Variants in ATP1A2 observed in about 807,000 individuals in gnomAD.
ATP1A2 encodes ATPase Na+/K+ transporting subunit alpha 2, also known as sodium/potassium-transporting ATPase subunit alpha-2.
A neutral mutation model predicts 113.1 loss-of-function variants in ATP1A2; 56 were observed. The observed-to-expected ratio is 0.49, with a 90% CI of 0.40 to 0.62. The LOEUF is 0.62. Among genes scored for constraint, ATP1A2 ranks in the 20% least tolerant of loss-of-function variants. The pLI is 0.00. For synonymous variants in ATP1A2, 490 were observed against 526.8 expected (o/e 0.93, Z 0.96); for missense variants, 712 against 1,357.8 (o/e 0.52, Z 7.47).
chr1:160,137,564 A>T lies in ATP1A2; in HGVS notation c.2840+533A>T, dbSNP rs1231935754. Among the ~76,000 whole-genome samples, 9 of 152,280 alleles carry T rather than the reference A, an allele frequency of 5.9e-5. No individual in the cohort carries two copies. In the South Asian group the frequency reaches 1.9e-3, roughly 32 times the overall value. On this transcript the variant is annotated intron_variant, in intron 20 of 22. Coordinates refer to ENST00000361216, the MANE Select transcript of ATP1A2 (RefSeq NM_000702.4). ...TACATTTCATGGATAAGAGGCCCCA[A>T]ACAGGTTAAATGATGTGCCCAAGGT...
At position 160,135,404 on chromosome 1, in the gene ATP1A2, C is replaced by A; in HGVS notation, c.2116-30C>A. 6.2e-7 allele frequency: 1 copy of A among 1,614,140 alleles called. No homozygotes were observed. Among genetic ancestry groups the A allele is most frequent in the African/African-American group, 1.3e-5 (1 of 75,016 alleles). On this transcript the variant is annotated intron_variant, in intron 15 of 22. Coordinates refer to ENST00000361216, the MANE Select transcript of ATP1A2 (RefSeq NM_000702.4). This position sits in a 1 kb window ranked among gnomAD's most constrained non-coding sequence, Gnocchi z 6.3. ...AGGAGCCAGGCTTGGGAAGGGGTTTCGTCCTCAAGTGTGGCCGTCTTCCCT... is the reference window on the plus strand; with the variant it reads ...AGGAGCCAGGCTTGGGAAGGGGTTTAGTCCTCAAGTGTGGCCGTCTTCCCT...
chr1:160,130,357 G>A, intron 12 of ATP1A2, 65 bp from the exon 13 acceptor site: 1 of 1,614,136 alleles, frequency 6.2e-7, no homozygotes, highest in East Asian at 2.2e-5. Flanking sequence ...CCTGGGGTGG[G>A]GGACTGTGGG....
chr1:160,130,025 T>A, intron 11 of ATP1A2, 77 bp from the exon 12 acceptor site: 4 of 1,580,206 alleles, frequency 2.5e-6, no homozygotes, highest in Non-Finnish European at 3.5e-6. Flanking sequence ...TAAGGTGGTT[T>A]CCTTACCAGC....
At chr1:160,141,215 G>A (rs1192292612) in intron 22 of ATP1A2, 79 bp from the exon 23 acceptor site, 12 of 1,580,122 alleles carry the variant, frequency 7.6e-6, no homozygotes, top group African/African-American at 1.3e-5. Flanking sequence ...TGGCTTCAGC[G>A]ACCCAAGCCC....
intron 11 of ATP1A2, 37 bp from the exon 12 acceptor site, chr1:160,130,065 G>A (rs755593811): frequency 2.5e-6 from 4 of 1,613,706 alleles, no homozygotes; most frequent in South Asian, 1.1e-5. Flanking sequence ...ACCAAGACAA[G>A]TATGGCCCTC....
chr1:160,135,227 A>G lies in ATP1A2; in HGVS notation c.2047A>G (p.Thr683Ala). The part of the protein sequence containing the change: ...EQLDEILKNH[T>A]EIVFARTSPQ... Reference sequence around the variant, plus strand: ...GCTCGATGAGATCCTCAAGAACCACACAGAGATCGTCTTTGCTCGAACGTC... The same window carrying G: ...GCTCGATGAGATCCTCAAGAACCACGCAGAGATCGTCTTTGCTCGAACGTC... Residue 683 changes from threonine to alanine, a missense_variant, in exon 15 of 23, where the codon ACA becomes GCA. Thr to Ala is a moderately conservative substitution (Grantham distance 58). This residue lies in a region of ATP1A2 where 263 missense variants were observed against 380.6 expected (regional missense o/e 0.69). Coordinates refer to ENST00000361216, the MANE Select transcript of ATP1A2 (RefSeq NM_000702.4). This position sits in a 1 kb window ranked among gnomAD's most constrained non-coding sequence, Gnocchi z 6.3. The G allele has an allele frequency of 6.2e-7, 1 of 1,614,212 alleles. No homozygotes were observed. The highest frequency in any genetic ancestry group is 8.5e-7 in the Non-Finnish European group (1 of 1,180,038).
At chr1:160,139,816 C>A in intron 21 of ATP1A2, 75 bp downstream of exon 21, 1 of 1,609,748 alleles carries the variant, frequency 6.2e-7, no homozygotes, top group Non-Finnish European at 8.5e-7. Context: ...AAGTTCTGAT[C>A]GCTTTGAATG....
rs963491650 is a variant in ATP1A2 at position 160,135,283 on chromosome 1, A to C, written c.2103A>C (p.Gly701=). The C allele has an allele frequency of 6.2e-7, 1 of 1,613,996 alleles. No homozygotes were observed. The highest frequency in any genetic ancestry group is 1.7e-5 in the Admixed American group (1 of 59,990). Residue 701 remains glycine (G), a synonymous_variant, in exon 15 of 23, where the codon GGA becomes GGC. Coordinates refer to ENST00000361216, the MANE Select transcript of ATP1A2 (RefSeq NM_000702.4). This position sits in a 1 kb window ranked among gnomAD's most constrained non-coding sequence, Gnocchi z 6.3. ...AGCAGAAGCTCATCATTGTGGAGGGATGTCAGAGGCAGGTGAGCACAGCCA... is the reference window on the plus strand; with the variant it reads ...AGCAGAAGCTCATCATTGTGGAGGGCTGTCAGAGGCAGGTGAGCACAGCCA... The part of the protein sequence containing the change: ...SPQQKLIIVE[G]CQRQGAIVAV...
At position 160,141,420 on chromosome 1, in the gene ATP1A2, G is replaced by T; in HGVS notation, c.*98G>T. 1 of 1,520,600 alleles carries T rather than the reference G, an allele frequency of 6.6e-7. No homozygotes were observed. The highest frequency in any genetic ancestry group is 9.1e-7 in the Non-Finnish European group (1 of 1,097,202). 94.2% of individuals were successfully genotyped at this position (1,520,600 alleles called of 1,614,324 possible). A position where few individuals can be genotyped will look rare whatever the true frequency, so the allele number is the denominator to read the frequency against. ...GGATGGAAATAACGGGTGGCATTGG[G>T]TGGCAACATTTGGGGAGAGATAATG... On this transcript the variant is annotated 3_prime_UTR_variant, in exon 23 of 23. Coordinates refer to ENST00000361216, the MANE Select transcript of ATP1A2 (RefSeq NM_000702.4).
At chr1:160,139,836 G>A in intron 21 of ATP1A2, 57 bp from the exon 22 acceptor site, 1 of 1,610,872 alleles carries the variant, frequency 6.2e-7, no homozygotes, top group East Asian at 2.2e-5. Flanking sequence ...GCTCCTTTAT[G>A]TGACAGCCAC....
Position 160,120,518 on chromosome 1 carries a change from C to A in ATP1A2, c.13-388C>A, listed in dbSNP as rs1370047884. ...ATTCTACTCCCTCAACAACCCCCCA[C>A]AAAACCCTGTCCACTCCCTTCCAGA... is the stretch of plus-strand genomic sequence containing the variant. On this transcript the variant is annotated intron_variant, in intron 1 of 22. Transcript: ENST00000361216. Among the ~76,000 whole-genome samples, 5 of 152,320 alleles carry A rather than the reference C, an allele frequency of 3.3e-5. No individual in the cohort carries two copies. In the East Asian group the frequency reaches 5.8e-4, roughly 18 times the overall value.
At chr1:160,128,447 C>A (rs1436033643) in intron 8 of ATP1A2, 7 of 1,471,432 alleles carry the variant, frequency 4.8e-6, no homozygotes, top group Middle Eastern at 1.7e-4. Flanking sequence ...ACGTCTTAAA[C>A]CCCCTAATGG....
intron 20 of ATP1A2, among the ~76,000 whole-genome samples, chr1:160,137,846 C>A (rs1271595326): frequency 6.6e-6 from 1 of 151,870 alleles, no homozygotes. Flanking sequence ...GGAGAAGATG[C>A]CAAAGTGAAG....
At chr1:160,138,421 A>G (rs1163181114) in intron 20 of ATP1A2, among the ~76,000 whole-genome samples, 1 of 152,264 alleles carries the variant, frequency 6.6e-6, no homozygotes, top group Non-Finnish European at 1.5e-5. Context: ...ATACTTATTC[A>G]CAAATGTAGC....
At chr1:160,121,353 A>G (rs1163350448) in intron 3 of ATP1A2, 102 bp downstream of exon 3, 2 of 1,378,514 alleles carry the variant, frequency 1.5e-6, no homozygotes, top group Non-Finnish European at 2.1e-6. Context: ...TTCTTTACAG[A>G]TGAGGAAACT....
intron 1 of ATP1A2, among the ~76,000 whole-genome samples, chr1:160,116,413 C>A (rs921196904): frequency 4.6e-5 from 7 of 152,024 alleles, no homozygotes; most frequent in Non-Finnish European, 8.8e-5. Context: ...GACAGCTGGG[C>A]GGGGTGTGGG....
Position 160,123,332 on chromosome 1 carries a change from C to T in ATP1A2, c.297C>T (p.Ser99=). ...KFCRQLFGGF[S]ILLWIGAILC... ...GCCGTCAGCTTTTCGGGGGGTTCTCCATCCTGCTGTGGATTGGGGCTATCC... is the reference window on the plus strand; with the variant it reads ...GCCGTCAGCTTTTCGGGGGGTTCTCTATCCTGCTGTGGATTGGGGCTATCC... Residue 99 remains serine (S), a synonymous_variant, in exon 4 of 23, where the codon TCC becomes TCT. Coordinates refer to ENST00000361216, the MANE Select transcript of ATP1A2 (RefSeq NM_000702.4). 1.9e-6 allele frequency: 3 copies of T among 1,614,232 alleles called. No individual in the cohort carries two copies. Among genetic ancestry groups the T allele is most frequent in the Non-Finnish European group, 2.5e-6 (3 of 1,180,048 alleles).
Position 160,129,301 on chromosome 1 carries a change from G to T in ATP1A2, c.1362G>T (p.Leu454=). 6.2e-7 allele frequency: 1 copy of T among 1,614,172 alleles called. No individual in the cohort carries two copies. Among genetic ancestry groups the T allele is most frequent in the Non-Finnish European group, 8.5e-7 (1 of 1,180,032 alleles). ...DTAGDASESA[L]LKCIELSCGS... is the part of the protein sequence containing the mutation. ...CTGGTGATGCCTCTGAGTCAGCTCT[G>T]CTCAAGTGCATTGAGCTCTCCTGTG... The change falls in exon 11 of 23, where the codon CTG becomes CTT. Residue 454 remains leucine (L), a synonymous_variant. Coordinates refer to ENST00000361216, the MANE Select transcript of ATP1A2 (RefSeq NM_000702.4).
chr1:160,125,205 C>G lies in ATP1A2; in HGVS notation c.700C>G (p.Pro234Ala). The G allele has an allele frequency of 6.2e-7, 1 of 1,614,122 alleles. No homozygotes were observed. The highest frequency in any genetic ancestry group is 8.5e-7 in the Non-Finnish European group (1 of 1,180,026). Residue 234 changes from proline to alanine, a missense_variant, in exon 7 of 23, where the codon CCC becomes GCC. By Grantham distance (27) the Pro-to-Ala change is conservative. Coordinates refer to ENST00000361216, the MANE Select transcript of ATP1A2 (RefSeq NM_000702.4). Reference protein sequence around the residue: ...TRSPEFTHENPLETRNICFFS... With the variant: ...TRSPEFTHENALETRNICFFS... The stretch of plus-strand genomic sequence containing the variant: ...CTCCCCCGAGTTCACCCATGAGAAC[C>G]CCCTGGAGACCCGCAATATCTGTTT...
Sources: gnomAD v4.1 joint callset for allele counts (sites outside exome capture counted in the v4.1 genomes callset) on GRCh38, gnomAD v4.1.1 for gene constraint, gnomAD v4.1.1 regional missense constraint, Gnocchi (gnomAD v3.1) non-coding constraint, MANE v1.5 for transcripts, NCBI Gene and HGNC (gene_info 2026-07-23, HGNC 2026-07-21) for gene names.